BTBD9: variants seen among roughly 807,000 people sequenced by gnomAD.
The protein encoded by BTBD9 is BTB/POZ domain-containing protein 9.
A neutral mutation model predicts 64.3 loss-of-function variants in BTBD9; 49 were observed. The observed-to-expected ratio is 0.76, with a 90% CI of 0.61 to 0.97. The LOEUF is 0.97. Among genes scored for constraint, BTBD9 ranks in the 50% least tolerant of loss-of-function variants. BTBD9 has a pLI of 0.00. For missense variants in BTBD9, 598 were observed against 762.1 expected (o/e 0.78, Z 2.53); for synonymous variants, 260 against 274.7 (o/e 0.95, Z 0.53).
chr6:38,349,541 T>C (rs539078222), intron 6 of BTBD9, among the ~76,000 whole-genome samples: 27 of 152,132 alleles, frequency 1.8e-4, no homozygotes, highest in Non-Finnish European at 3.1e-4. Flanking sequence ...AATTGTTCTA[T>C]TTTATTATTA....
chr6:38,307,223 G>C (rs1454953826), intron 7 of BTBD9, among the ~76,000 whole-genome samples: 1 of 152,110 alleles, frequency 6.6e-6, no homozygotes, highest in Non-Finnish European at 1.5e-5. Flanking sequence ...AATATCCACA[G>C]CTGTTCTGTC....
intron 6 of BTBD9, among the ~76,000 whole-genome samples, chr6:38,414,722 C>A (rs956589025): frequency 8.5e-5 from 13 of 152,254 alleles, no homozygotes; most frequent in South Asian, 8.3e-4. Context: ...ATCACTCTTC[C>A]TTTTTTTCTT....
In BTBD9 at chr6:38,174,920, CA is replaced by C; in HGVS notation, c.*64del. On this transcript the variant is annotated 3_prime_UTR_variant, in exon 11 of 11. Coordinates refer to ENST00000481247, the MANE Select transcript of BTBD9 (RefSeq NM_001099272.2). ...GGGGCAGTCAACAGAGACCCCTGCT[CA>C]GGGAGGAGACCGTTTCCTGCCGTTG... The C allele has an allele frequency of 6.3e-7, 1 of 1,581,892 alleles. No homozygotes were observed.
At chr6:38,388,016 C>T (rs933884000) in intron 6 of BTBD9, among the ~76,000 whole-genome samples, 1 of 152,148 alleles carries the variant, frequency 6.6e-6, no homozygotes, top group Admixed American at 6.5e-5. Flanking sequence ...CCTTTCTAAT[C>T]ACAGTCCCTG....
chr6:38,320,792 C>G (rs188244844), intron 7 of BTBD9, among the ~76,000 whole-genome samples: 16 of 152,256 alleles, frequency 1.1e-4, no homozygotes, highest in Non-Finnish European at 1.9e-4. Flanking sequence ...CAGATTTTTC[C>G]CCATGTGGAA....
intron 6 of BTBD9, among the ~76,000 whole-genome samples, chr6:38,492,956 T>TA: frequency 6.6e-6 from 1 of 152,336 alleles, no homozygotes; most frequent in African/African-American, 2.4e-5. Flanking sequence ...GAATTCGATC[T>TA]AAAAATAAGA....
intron 6 of BTBD9, among the ~76,000 whole-genome samples, chr6:38,457,159 C>G (rs1159570263): frequency 6.6e-6 from 1 of 152,094 alleles, no homozygotes; most frequent in Non-Finnish European, 1.5e-5. Context: ...GAGATGAGGA[C>G]AAAGAAGCAG....
At chr6:38,273,449 T>C (rs1167280802) in intron 8 of BTBD9, among the ~76,000 whole-genome samples, 2 of 152,166 alleles carry the variant, frequency 1.3e-5, no homozygotes, top group Non-Finnish European at 2.9e-5. Context: ...CCAGGGAGGA[T>C]GGAGCAGGCC....
intron 6 of BTBD9, among the ~76,000 whole-genome samples, chr6:38,431,323 TTACTGAGAACACAGTA>T (rs1768430597): frequency 6.6e-6 from 1 of 152,184 alleles, no homozygotes; most frequent in Admixed American, 6.5e-5. Context: ...TAGCTAACAT[TTACTGAGAACACAGTA>T]TGTGTCCAGT....
intron 1 of BTBD9, among the ~76,000 whole-genome samples, chr6:38,629,084 T>G (rs1199268725): frequency 1.3e-5 from 2 of 151,294 alleles, no homozygotes; most frequent in Admixed American, 1.3e-4. Context: ...TTGAATAACA[T>G]AAGAATCCAT....
At chr6:38,573,955 C>T (rs972173035) in intron 6 of BTBD9, among the ~76,000 whole-genome samples, 17 of 152,054 alleles carry the variant, frequency 1.1e-4, no homozygotes, top group Admixed American at 9.2e-4. Context: ...ATGGGTAAAG[C>T]GGAAATTGCC....
At chr6:38,254,632 GC>G (rs1764513272) in intron 9 of BTBD9, among the ~76,000 whole-genome samples, 1 of 152,072 alleles carries the variant, frequency 6.6e-6, no homozygotes, top group Non-Finnish European at 1.5e-5. Flanking sequence ...GTGAGACCCT[GC>G]CCCCACCCCA....
At chr6:38,266,451 T>C (rs1764974394) in intron 8 of BTBD9, among the ~76,000 whole-genome samples, 1 of 151,960 alleles carries the variant, frequency 6.6e-6, no homozygotes, top group African/African-American at 2.4e-5. Flanking sequence ...CGTGCACCTG[T>C]AATCCCAGTT....
intron 6 of BTBD9, among the ~76,000 whole-genome samples, chr6:38,515,291 C>G (rs529855538): frequency 1.3e-5 from 2 of 152,232 alleles, no homozygotes; most frequent in African/African-American, 4.8e-5. Context: ...TTATTCAAGG[C>G]TTTCTTTCTT....
intron 6 of BTBD9, among the ~76,000 whole-genome samples, chr6:38,485,637 T>C (rs957895445): frequency 1.3e-5 from 2 of 152,158 alleles, no homozygotes; most frequent in Non-Finnish European, 2.9e-5. Context: ...GCTTAAGATA[T>C]TCAGGAAACC....
At chr6:38,345,411 A>C (rs551079228) in intron 6 of BTBD9, among the ~76,000 whole-genome samples, 84 of 152,380 alleles carry the variant, frequency 5.5e-4, no homozygotes, top group African/African-American at 1.9e-3. Flanking sequence ...ACCGTAAGAC[A>C]TTTATACCGG....
intron 8 of BTBD9, among the ~76,000 whole-genome samples, chr6:38,270,810 G>GCTA (rs1195075654): frequency 1.3e-5 from 2 of 152,164 alleles, no homozygotes; most frequent in Non-Finnish European, 2.9e-5. Context: ...TGGACACAAG[G>GCTA]CTACTGTCCA....
chr6:38,582,102 G>A (rs1279090334), intron 4 of BTBD9, among the ~76,000 whole-genome samples: 1 of 152,068 alleles, frequency 6.6e-6, no homozygotes, highest in Non-Finnish European at 1.5e-5. Flanking sequence ...AAAGAGAGTG[G>A]CACCAGAAAA....
intron 8 of BTBD9, among the ~76,000 whole-genome samples, chr6:38,266,667 AAAGAAAGAAAG>A (rs1434648483): frequency 1.1e-3 from 143 of 125,102 alleles, no homozygotes; most frequent in Non-Finnish European, 7.2e-4. Context: ...AGAAAGAAAG[AAAGAAAGAAAG>A]AAGAAAAAGA....
Sources: gnomAD v4.1 joint callset for allele counts (sites outside exome capture counted in the v4.1 genomes callset) on GRCh38, gnomAD v4.1.1 for gene constraint, MANE v1.5 for transcripts, NCBI Gene and HGNC (gene_info 2026-07-23, HGNC 2026-07-21) for gene names.